RSU1: variants seen among roughly 807,000 people sequenced by gnomAD.
RSU1 encodes the protein rsu-1.
Under a neutral mutation model 31.1 loss-of-function variants are expected in RSU1, and 26 were observed. The ratio of observed to expected loss-of-function variants is 0.84; its 90% CI spans 0.61 to 1.16. RSU1 has a LOEUF of 1.16. Ranked by LOEUF, RSU1 falls within the 50% of genes most tolerant of loss-of-function variation. The pLI, the probability that RSU1 is intolerant of heterozygous loss-of-function variation, is 0.00. For missense variants in RSU1, 320 were observed against 339.1 expected, an observed-to-expected ratio of 0.94 and a Z score of 0.44; for synonymous variants, 164 against 136.3, an observed-to-expected ratio of 1.20 and a Z score of -1.41.
At chr10:16,618,353 T>C (rs1010967483) in intron 8 of RSU1, among the ~76,000 whole-genome samples, 5 of 152,126 alleles carry the variant, frequency 3.3e-5, no homozygotes, top group Non-Finnish European at 7.4e-5. Context: ...TGTGGAGAAA[T>C]AGGCACACTA....
At chr10:16,748,959 G>A (rs1029167598) in intron 7 of RSU1, among the ~76,000 whole-genome samples, 7 of 151,958 alleles carry the variant, frequency 4.6e-5, no homozygotes, top group Admixed American at 3.9e-4. Context: ...CATCAGTCAC[G>A]CGTGTTCTGT....
intron 7 of RSU1, among the ~76,000 whole-genome samples, chr10:16,696,563 T>C (rs1461237927): frequency 1.3e-5 from 2 of 152,212 alleles, no homozygotes; most frequent in African/African-American, 4.8e-5. Flanking sequence ...GAGTAATTCA[T>C]CATGTTTCCA....
At chr10:16,788,673 A>T (rs61844016) in intron 2 of RSU1, among the ~76,000 whole-genome samples, 1 of 152,098 alleles carries the variant, frequency 6.6e-6, no homozygotes, top group African/African-American at 2.4e-5. Flanking sequence ...ACACCTCAAG[A>T]TCCAAGACGA....
intron 7 of RSU1, among the ~76,000 whole-genome samples, chr10:16,751,806 A>G (rs1424971378): frequency 1.3e-5 from 2 of 152,352 alleles, no homozygotes; most frequent in East Asian, 3.9e-4. Context: ...GACTGAAGAA[A>G]TGAGAGGCTA....
Position 16,752,567 on chromosome 10 carries a change from G to A in RSU1, c.570C>T (p.Asn190=), listed in dbSNP as rs894659594. Residue 190 remains asparagine, a synonymous_variant, in exon 7 of 9, where the codon AAC becomes AAT. Transcript: ENST00000345264. ...GTTCTGGGGGCAGAACGGTGAGGCG[G>A]TTCCCCTGAATGTGGAGCTCTTTAA... ...TQLKELHIQG[N]RLTVLPPELG... is the part of the protein sequence containing the mutation. 8 of 1,613,928 alleles carry A rather than the reference G, an allele frequency of 5.0e-6. No individual in the cohort carries two copies. The African/African-American group carries it at 9.3e-5, about 19-fold the overall frequency.
At chr10:16,764,877 T>C (rs576813976) in intron 3 of RSU1, among the ~76,000 whole-genome samples, 5 of 151,638 alleles carry the variant, frequency 3.3e-5, no homozygotes, top group East Asian at 2.0e-4. Flanking sequence ...ATCTTCTAAG[T>C]GCAACTTTTT....
chr10:16,747,768 C>T (rs189488333), intron 7 of RSU1, among the ~76,000 whole-genome samples: 2 of 152,366 alleles, frequency 1.3e-5, no homozygotes, highest in Non-Finnish European at 2.9e-5. Flanking sequence ...CACCATGGCT[C>T]ATGCCTGTAA....
chr10:16,718,097 T>TAAAA (rs11411668), intron 7 of RSU1, among the ~76,000 whole-genome samples: 65 of 136,184 alleles, frequency 4.8e-4, no homozygotes, highest in South Asian at 3.1e-3. Flanking sequence ...TCAATTTATT[T>TAAAA]AAAAAAAAAA....
chr10:16,622,870 G>A (rs961056346), intron 8 of RSU1, among the ~76,000 whole-genome samples: 6 of 152,200 alleles, frequency 3.9e-5, no homozygotes, highest in South Asian at 4.2e-4. Flanking sequence ...GCTCTGGCAA[G>A]CTAATTTAAA....
chr10:16,716,421 G>A (rs145251997), intron 7 of RSU1, among the ~76,000 whole-genome samples: 1 of 152,220 alleles, frequency 6.6e-6, no homozygotes, highest in East Asian at 1.9e-4. Context: ...GTACATGGCT[G>A]ATCCTAAGCA....
intron 2 of RSU1, among the ~76,000 whole-genome samples, chr10:16,805,171 C>T (rs1838239093): frequency 1.3e-5 from 2 of 151,964 alleles, no homozygotes; most frequent in Admixed American, 1.3e-4. Context: ...CACACCATTG[C>T]AATCCAGCCT....
At chr10:16,808,163 C>T (rs1838316312) in intron 2 of RSU1, among the ~76,000 whole-genome samples, 1 of 151,982 alleles carries the variant, frequency 6.6e-6, no homozygotes, top group Non-Finnish European at 1.5e-5. Context: ...TATCACACAG[C>T]AAACCTTTCA....
At chr10:16,634,457 T>C (rs1345760635) in intron 8 of RSU1, among the ~76,000 whole-genome samples, 2 of 152,262 alleles carry the variant, frequency 1.3e-5, no homozygotes, top group Non-Finnish European at 2.9e-5. Flanking sequence ...GAGCTATTCA[T>C]AGGTATATAA....
At position 16,782,074 on chromosome 10, in the gene RSU1, G is replaced by T. The variant is rs146386339; in HGVS notation, c.120C>A (p.Ser40=). The change falls in exon 3 of 9, where the codon TCC becomes TCA. Residue 40 remains serine, a synonymous_variant. Coordinates refer to ENST00000345264, the MANE Select transcript of RSU1 (RefSeq NM_012425.4). ...GGCTGAGGACCAGTTGTGTGATATG[G>T]GATAAGGTAACTAAAAAGAAAAGAA... ...MLDVNGLFTL[S]HITQLVLSHN... 459 of 1,611,448 alleles carry T rather than the reference G, an allele frequency of 2.8e-4. No individual in the cohort carries two copies. Among genetic ancestry groups the T allele is most frequent in the Admixed American group, 4.7e-4 (28 of 59,758 alleles).
chr10:16,621,096 A>G (rs1834061156), intron 8 of RSU1, among the ~76,000 whole-genome samples: 1 of 152,230 alleles, frequency 6.6e-6, no homozygotes. Context: ...TTTGTGACAC[A>G]GGCACAGTAG....
At chr10:16,721,001 A>G (rs1360574010) in intron 7 of RSU1, among the ~76,000 whole-genome samples, 1 of 152,178 alleles carries the variant, frequency 6.6e-6, no homozygotes, top group African/African-American at 2.4e-5. Flanking sequence ...AAATAAATAA[A>G]TAAACAAACA....
chr10:16,797,856 CTTTTTTTT>C (rs766748303), intron 2 of RSU1, among the ~76,000 whole-genome samples: 1 of 103,508 alleles, frequency 9.7e-6, no homozygotes, highest in Non-Finnish European at 2.0e-5. Flanking sequence ...GGGATTTCTT[CTTTTTTTT>C]TTTTTTTTTT....
At chr10:16,816,494 A>C (rs1838534802) in intron 2 of RSU1, among the ~76,000 whole-genome samples, 1 of 152,230 alleles carries the variant, frequency 6.6e-6, no homozygotes, top group Non-Finnish European at 1.5e-5. Flanking sequence ...AGGAGGTGAC[A>C]AAAGCCTGAA....
intron 7 of RSU1, among the ~76,000 whole-genome samples, chr10:16,697,574 G>A (rs896057095): frequency 6.6e-6 from 1 of 151,860 alleles, no homozygotes; most frequent in Non-Finnish European, 1.5e-5. Context: ...TGAGGCAGGA[G>A]AACTGCATGA....
Sources: allele counts gnomAD v4.1 joint callset (sites outside exome capture counted in the v4.1 genomes callset), GRCh38; gene constraint gnomAD v4.1.1; transcripts MANE v1.5; gene names NCBI Gene and HGNC (gene_info 2026-07-23, HGNC 2026-07-21).